The following EXOC6B variants were observed in gnomAD, a reference collection of about 807,000 sequenced individuals.
EXOC6B encodes the protein SEC15 homolog B.
A neutral mutation model predicts 113.5 loss-of-function variants in EXOC6B; 54 were observed. That is an observed-to-expected ratio of 0.48 (90% CI 0.38 to 0.60). The LOEUF is 0.60. EXOC6B is among the 20% of genes least tolerant of loss of function. The pLI is 0.00. For synonymous variants in EXOC6B, 357 were observed against 339.0 expected, an observed-to-expected ratio of 1.05 and a Z score of -0.58; for missense variants, 797 against 977.5, an observed-to-expected ratio of 0.82 and a Z score of 2.46.
intron 19 of EXOC6B, among the ~76,000 whole-genome samples, chr2:72,367,004 C>T (rs568271804): frequency 8.4e-4 from 128 of 151,920 alleles, no homozygotes; most frequent in African/African-American, 2.9e-3. Context: ...ATACAGTAAA[C>T]ACATGGGTAA....
intron 19 of EXOC6B, chr2:72,354,390 A>G (rs977763809): frequency 3.3e-5 from 5 of 152,194 alleles, no homozygotes; most frequent in African/African-American, 1.2e-4. Flanking sequence ...GTGTTGGCCA[A>G]TCTCTGAAAG....
chr2:72,599,670 A>AT (rs1670289162), intron 6 of EXOC6B, among the ~76,000 whole-genome samples: 1 of 152,108 alleles, frequency 6.6e-6, no homozygotes, highest in Admixed American at 6.5e-5. Flanking sequence ...GAAAAAAAAA[A>AT]GCCCTCCTAA....
chr2:72,355,419 G>A (rs922960964), intron 19 of EXOC6B, among the ~76,000 whole-genome samples: 1 of 152,128 alleles, frequency 6.6e-6, no homozygotes. Flanking sequence ...ATTTCCAGTA[G>A]AGAATGAAAG....
chr2:72,373,064 C>CT (rs79852175), intron 19 of EXOC6B, among the ~76,000 whole-genome samples: 2,233 of 136,354 alleles, frequency 0.016, 64 homozygotes, highest in African/African-American at 0.047. Flanking sequence ...TCTCGGAAGA[C>CT]TTTTTTTTTT....
intron 20 of EXOC6B, among the ~76,000 whole-genome samples, chr2:72,331,823 C>G (rs1688430685): frequency 6.6e-6 from 1 of 152,058 alleles, no homozygotes; most frequent in Admixed American, 6.6e-5. Context: ...TCATTTCTCT[C>G]TTTCTCTTAA....
intron 6 of EXOC6B, among the ~76,000 whole-genome samples, chr2:72,688,519 T>A (rs1171731242): frequency 6.7e-6 from 1 of 150,366 alleles, no homozygotes. Context: ...AGTTATGAGC[T>A]GAGGACTACT....
intron 20 of EXOC6B, among the ~76,000 whole-genome samples, chr2:72,287,300 A>C (rs1329166069): frequency 6.6e-6 from 1 of 151,554 alleles, no homozygotes; most frequent in African/African-American, 2.4e-5. Context: ...GCGTGGTGTC[A>C]GGCACCTGTA....
intron 17 of EXOC6B, among the ~76,000 whole-genome samples, chr2:72,478,352 C>A (rs1041933304): frequency 6.6e-6 from 1 of 152,198 alleles, no homozygotes; most frequent in Non-Finnish European, 1.5e-5. Flanking sequence ...TAAAGACCTT[C>A]AGACTCTTTC....
intron 20 of EXOC6B, among the ~76,000 whole-genome samples, chr2:72,268,211 A>G (rs1684255629): frequency 6.6e-6 from 1 of 152,092 alleles, no homozygotes; most frequent in South Asian, 2.1e-4. Flanking sequence ...CCTGGGTTCA[A>G]GCAATTCTTA....
At chr2:72,224,347 C>T (rs972675482) in intron 20 of EXOC6B, among the ~76,000 whole-genome samples, 1 of 152,078 alleles carries the variant, frequency 6.6e-6, no homozygotes, top group Non-Finnish European at 1.5e-5. Flanking sequence ...AATATTTCTA[C>T]CCCCTACCAC....
intron 16 of EXOC6B, among the ~76,000 whole-genome samples, chr2:72,491,224 T>C (rs1699725649): frequency 6.6e-6 from 1 of 152,152 alleles, no homozygotes; most frequent in African/African-American, 2.4e-5. Context: ...AAGTCTAAGG[T>C]AATTTTCAAT....
rs653220 is a variant in EXOC6B, at chr2:72,480,745, A to G, written c.1671T>C (p.Val557=). Residue 557 remains valine (V), a synonymous_variant, in exon 17 of 22, where the codon GTT becomes GTC. Coordinates refer to ENST00000272427, the MANE Select transcript of EXOC6B (RefSeq NM_015189.3). ...KRKNIGLTEL[V]QIIINTTHLE... ...AATGTGTTGTATTGATAATAATCTG[A>G]ACAAGCTAGAAAACAACAAACACAT... is the stretch of plus-strand genomic sequence containing the variant. 401,444 of 1,596,822 alleles carry G rather than the reference A, an allele frequency of 0.25. 67,352 individuals are homozygous for G. Among genetic ancestry groups the G allele is most frequent in the African/African-American group, 0.84 (63,013 of 74,750 alleles).
chr2:72,351,179 T>A (rs1363586258), intron 19 of EXOC6B, among the ~76,000 whole-genome samples: 1 of 152,158 alleles, frequency 6.6e-6, no homozygotes, highest in Non-Finnish European at 1.5e-5. Flanking sequence ...TCATTCAGAA[T>A]GAAAGGCGAG....
intron 17 of EXOC6B, among the ~76,000 whole-genome samples, chr2:72,467,430 T>C (rs1034303412): frequency 1.3e-5 from 2 of 152,202 alleles, no homozygotes; most frequent in African/African-American, 4.8e-5. Flanking sequence ...ACAATGGCTA[T>C]ACTAATTTAC....
At chr2:72,401,550 T>TATATATATATAC (rs1693221871) in intron 18 of EXOC6B, among the ~76,000 whole-genome samples, 4 of 21,996 alleles carry the variant, frequency 1.8e-4, no homozygotes, top group Non-Finnish European at 2.8e-4. Context: ...TATATGTGTA[T>TATATATATATAC]ATATATATAT....
intron 20 of EXOC6B, among the ~76,000 whole-genome samples, chr2:72,299,088 C>T (rs930267001): frequency 3.9e-5 from 6 of 151,984 alleles, no homozygotes; most frequent in South Asian, 4.1e-4. Context: ...TTTTCCAGCT[C>T]GGTTCCATTC....
At chr2:72,375,647 A>T (rs1203344136) in intron 19 of EXOC6B, among the ~76,000 whole-genome samples, 3 of 152,228 alleles carry the variant, frequency 2.0e-5, no homozygotes, top group Admixed American at 2.0e-4. Context: ...AAATTTGTAT[A>T]CTGTGGCTGG....
intron 6 of EXOC6B, 117 bp downstream of exon 6, chr2:72,717,986 C>A: frequency 1.4e-6 from 1 of 709,738 alleles, no homozygotes; most frequent in East Asian, 2.7e-5. Context: ...GAAGGACTTC[C>A]CTAAAATGAT....
At chr2:72,264,595 A>G (rs1446272594) in intron 20 of EXOC6B, among the ~76,000 whole-genome samples, 1 of 151,986 alleles carries the variant, frequency 6.6e-6, no homozygotes, top group Non-Finnish European at 1.5e-5. Flanking sequence ...CACCAACAAC[A>G]TATACCTTGA....
Sources: gnomAD v4.1 joint callset for allele counts (sites outside exome capture counted in the v4.1 genomes callset) on GRCh38, gnomAD v4.1.1 for gene constraint, MANE v1.5 for transcripts, NCBI Gene and HGNC (gene_info 2026-07-23, HGNC 2026-07-21) for gene names.